UNC5A: variants seen among roughly 807,000 people sequenced by gnomAD.
UNC5A encodes the protein unc-5 netrin receptor A, also known as netrin receptor UNC5A.
UNC5A carries 20 observed loss-of-function variants against 87.4 expected under a neutral mutation model. The ratio of observed to expected loss-of-function variants is 0.23; its 90% confidence interval spans 0.16 to 0.33. UNC5A has a LOEUF of 0.33. Ranked by LOEUF, UNC5A falls within the 10% of genes least tolerant of loss-of-function variation. The pLI, the probability that UNC5A is intolerant of heterozygous loss-of-function variation, is 1.00. For synonymous variants in UNC5A, 438 were observed against 482.3 expected (o/e 0.91, Z 1.20); for missense variants, 844 against 1,133.4 (o/e 0.74, Z 3.67).
At position 176,865,597 on chromosome 5, in the gene UNC5A, C is replaced by T; in HGVS notation, c.293-2533C>T. Reference sequence around the variant, plus strand: ...CATTGATCTCATCGATTTCTCAACCCAAAGCCATCGAGTGCTTTGAGGTGA... The same window carrying T: ...CATTGATCTCATCGATTTCTCAACCTAAAGCCATCGAGTGCTTTGAGGTGA... On this transcript the variant is annotated intron_variant, in intron 2 of 14. Transcript: ENST00000329542. The surrounding 1 kb of genome is among the most constrained non-coding windows in gnomAD (Gnocchi z 5.3). 2.2e-6 allele frequency: 1 copy of T among 456,918 alleles called. No individual in the cohort carries two copies. The highest frequency in any genetic ancestry group is 1.5e-5 in the South Asian group (1 of 64,576). 28.3% of individuals were successfully genotyped at this position (456,918 alleles called of 1,614,324 possible).
At chr5:176,819,985 G>A (rs990182382) in intron 1 of UNC5A, among the ~76,000 whole-genome samples, 19 of 152,380 alleles carry the variant, frequency 1.2e-4, no homozygotes, top group Non-Finnish European at 2.1e-4. Flanking sequence ...TGGCCAGGCC[G>A]GGCGCGGTGG....
At chr5:176,830,973 G>GGT (rs140085130) in intron 1 of UNC5A, among the ~76,000 whole-genome samples, 8,595 of 149,034 alleles carry the variant, frequency 0.058, 712 homozygotes, top group African/African-American at 0.18. Context: ...TGTGTGTGCT[G>GGT]GTGTGTGTGT....
chr5:176,852,325 T>TCACACACAGAAA (rs529357574), intron 1 of UNC5A, among the ~76,000 whole-genome samples: 3 of 150,370 alleles, frequency 2.0e-5, no homozygotes, highest in Admixed American at 1.3e-4. Context: ...CACACACATA[T>TCACACACAGAAA]CACACACAGA....
chr5:176,823,837 C>T (rs573996290), intron 1 of UNC5A, among the ~76,000 whole-genome samples: 49 of 152,288 alleles, frequency 3.2e-4, no homozygotes, highest in African/African-American at 1.1e-3. Context: ...GAGAACTGGG[C>T]TTTCTGGACG....
Position 176,878,464 on chromosome 5 carries a change from A to G in UNC5A, c.2020-11A>G. On this transcript the variant is annotated splice_polypyrimidine_tract_variant and intron_variant, in intron 12 of 14. Coordinates refer to ENST00000329542, the MANE Select transcript of UNC5A (RefSeq NM_133369.3). The stretch of plus-strand genomic sequence containing the variant: ...GGCTCACCTGACACCTCCTCTCTGC[A>G]TCCCCATCAGGAGATCCCCTTTTAT... The G allele has an allele frequency of 6.2e-7, 1 of 1,611,944 alleles. No homozygotes were observed.
chr5:176,866,526 G>C lies in UNC5A; in HGVS notation c.293-1604G>C, dbSNP rs1182886245. Among the ~76,000 whole-genome samples, 1 of 152,182 alleles carries C rather than the reference G, an allele frequency of 6.6e-6. No individual in the cohort carries two copies. The highest frequency in any genetic ancestry group is 1.5e-5 in the Non-Finnish European group (1 of 68,026). ...GGTGAGGCTCCTGAAGGAGGGCCGG[G>C]CTCCCCACAGCACCACGGGGGATGG... On this transcript the variant is annotated intron_variant, in intron 2 of 14. Coordinates refer to ENST00000329542, the MANE Select transcript of UNC5A (RefSeq NM_133369.3). This position sits in a 1 kb window ranked among gnomAD's most constrained non-coding sequence, Gnocchi z 5.0.
chr5:176,829,170 A>T (rs1191001772), intron 1 of UNC5A, among the ~76,000 whole-genome samples: 33 of 74,782 alleles, frequency 4.4e-4, no homozygotes, highest in Non-Finnish European at 1.2e-3. Context: ...GGATGGATGG[A>T]TGGATGGATG....
intron 1 of UNC5A, among the ~76,000 whole-genome samples, chr5:176,823,110 G>A (rs1756768332): frequency 6.6e-6 from 1 of 151,150 alleles, no homozygotes; most frequent in African/African-American, 2.4e-5. Flanking sequence ...CAGCAGGGAT[G>A]GAGTAAGAGA....
chr5:176,859,899 G>A (rs1186380721), intron 1 of UNC5A, among the ~76,000 whole-genome samples: 1 of 152,246 alleles, frequency 6.6e-6, no homozygotes, highest in African/African-American at 2.4e-5. Flanking sequence ...GCCCCCCGGG[G>A]CCACTGTGGC....
chr5:176,826,919 G>A (rs191291236), intron 1 of UNC5A, among the ~76,000 whole-genome samples: 9 of 152,162 alleles, frequency 5.9e-5, no homozygotes, highest in African/African-American at 1.9e-4. Context: ...GAATACAGGC[G>A]TGAGCCACCG....
intron 1 of UNC5A, among the ~76,000 whole-genome samples, chr5:176,846,469 G>A (rs1424712276): frequency 6.6e-6 from 1 of 152,184 alleles, no homozygotes; most frequent in African/African-American, 2.4e-5. Flanking sequence ...ATGGGGGACA[G>A]GTGAGCATCC....
At chr5:176,879,662 G>T (rs922859197) in intron 14 of UNC5A, 59 bp from the exon 15 acceptor site, 6 of 1,594,208 alleles carry the variant, frequency 3.8e-6, no homozygotes, top group South Asian at 1.1e-5. Context: ...GGCCAGGGGG[G>T]GCAGGAGGTG....
In UNC5A at chr5:176,824,832, C is replaced by T. The variant is rs536036827; in HGVS notation, c.70+14012C>T. On this transcript the variant is annotated intron_variant, in intron 1 of 14. Coordinates refer to ENST00000329542, the MANE Select transcript of UNC5A (RefSeq NM_133369.3). The surrounding 1 kb of genome is among the most constrained non-coding windows in gnomAD (Gnocchi z 4.2). Reference sequence around the variant, plus strand: ...CCCCTACCTTGTGTACTCTCTGTCCCAGGCACTCTCACCACTCCGTATCCC... The same window carrying T: ...CCCCTACCTTGTGTACTCTCTGTCCTAGGCACTCTCACCACTCCGTATCCC... Among the ~76,000 whole-genome samples, 18 of 150,604 alleles carry T rather than the reference C, an allele frequency of 1.2e-4. No homozygotes were observed. The South Asian group carries it at 3.6e-3, about 30-fold the overall frequency.
chr5:176,829,348 GATGGATGGATGGATGGATGGATAA>G (rs1756940839), intron 1 of UNC5A, among the ~76,000 whole-genome samples: 1 of 150,150 alleles, frequency 6.7e-6, no homozygotes, highest in East Asian at 2.0e-4. Context: ...TGGATGGATG[GATGGATGGATGGATGGATGGATAA>G]AGTGGGTGGA....
intron 1 of UNC5A, 21 bp from the exon 2 acceptor site, chr5:176,862,603 T>C (rs1331209743): frequency 6.2e-7 from 1 of 1,610,100 alleles, no homozygotes; most frequent in Non-Finnish European, 8.5e-7. Flanking sequence ...TGGCTCACCT[T>C]CCCCCTCTGC....
chr5:176,851,979 C>T (rs1427373637), intron 1 of UNC5A, among the ~76,000 whole-genome samples: 2 of 152,206 alleles, frequency 1.3e-5, no homozygotes, highest in South Asian at 2.1e-4. Context: ...CTAGTCATCC[C>T]GTCTCTGAAC....
chr5:176,845,110 G>A (rs1012906838), intron 1 of UNC5A, among the ~76,000 whole-genome samples: 4 of 152,058 alleles, frequency 2.6e-5, no homozygotes, highest in South Asian at 4.2e-4. Context: ...CTCCCTCCCC[G>A]CCAGGAGAGT....
In UNC5A at chr5:176,869,427, C is replaced by T. The variant is rs1446873884; in HGVS notation, c.721+463C>T. Among the ~76,000 whole-genome samples the T allele has an allele frequency of 6.6e-6, 1 of 152,092 alleles. No homozygotes were observed. Among genetic ancestry groups the T allele is most frequent in the Admixed American group, 6.5e-5 (1 of 15,288 alleles). ...CCCCTGGGAGAAGGGAAGACTGTGG[C>T]GTGCGTGCTGCAGGGCCCGGGGGCC... On this transcript the variant is annotated intron_variant, in intron 5 of 14. Transcript: ENST00000329542. The surrounding 1 kb of genome is among the most constrained non-coding windows in gnomAD (Gnocchi z 9.1).
rs1193369543 is a variant in UNC5A at position 176,868,884 on chromosome 5, C to G, written c.641C>G (p.Ala214Gly). The G allele has an allele frequency of 6.2e-7, 1 of 1,612,868 alleles. No individual in the cohort carries two copies. The highest frequency in any genetic ancestry group is 8.5e-7 in the Non-Finnish European group (1 of 1,179,860). ...HSLVVRQARLADTANYTCVAK... is the reference protein window; with the variant it reads ...HSLVVRQARLGDTANYTCVAK... ...CTGGTGGTGCGACAGGCCCGCCTTGCTGACACGGCCAACTACACCTGCGTG... is the reference window on the plus strand; with the variant it reads ...CTGGTGGTGCGACAGGCCCGCCTTGGTGACACGGCCAACTACACCTGCGTG... The change falls in exon 5 of 15, where the codon GCT becomes GGT. Residue 214 changes from alanine (A) to glycine (G), a missense_variant. By Grantham distance (60) the Ala-to-Gly change is moderately conservative. Coordinates refer to ENST00000329542, the MANE Select transcript of UNC5A (RefSeq NM_133369.3).
Sources: gnomAD v4.1 joint callset for allele counts (sites outside exome capture counted in the v4.1 genomes callset) on GRCh38, gnomAD v4.1.1 for gene constraint, Gnocchi (gnomAD v3.1) non-coding constraint, MANE v1.5 for transcripts, NCBI Gene and HGNC (gene_info 2026-07-23, HGNC 2026-07-21) for gene names.